Variants in WWTR1 observed in about 807,000 individuals in gnomAD.
WWTR1 encodes WW domain-containing transcription regulator protein 1.
A neutral mutation model predicts 40.1 loss-of-function variants in WWTR1; 13 were observed. The observed-to-expected ratio is 0.32, with a 90% confidence interval of 0.21 to 0.52. The LOEUF is 0.52. Ranked by LOEUF, WWTR1 falls within the 20% of genes least tolerant of loss-of-function variation. The pLI, the probability that WWTR1 is intolerant of heterozygous loss-of-function variation, is 0.97. For missense variants in WWTR1, 436 were observed against 523.1 expected (o/e 0.83, Z 1.63); for synonymous variants, 230 against 210.1 (o/e 1.09, Z -0.82).
intron 3 of WWTR1, among the ~76,000 whole-genome samples, chr3:149,559,666 G>A (rs1737002758): frequency 6.6e-6 from 1 of 152,208 alleles, no homozygotes; most frequent in South Asian, 2.1e-4. Flanking sequence ...GCAGGGACCA[G>A]AGAAACTGTG....
intron 2 of WWTR1, among the ~76,000 whole-genome samples, chr3:149,591,893 G>A (rs527812803): frequency 3.3e-5 from 5 of 152,108 alleles, no homozygotes; most frequent in African/African-American, 1.2e-4. Context: ...ATTGCGGGAG[G>A]GGGTAGGAGA....
chr3:149,611,736 A>G (rs572480205), intron 2 of WWTR1, among the ~76,000 whole-genome samples: 2 of 152,304 alleles, frequency 1.3e-5, no homozygotes, highest in South Asian at 4.1e-4. Context: ...TACCCAGACT[A>G]CATGGTTTAA....
chr3:149,650,239 G>A (rs1301594310), intron 2 of WWTR1: 2 of 152,198 alleles, frequency 1.3e-5, no homozygotes, highest in South Asian at 2.1e-4. Context: ...CCACAGTTAT[G>A]CGATCATCAA....
At chr3:149,640,825 A>T (rs1446035937) in intron 2 of WWTR1, among the ~76,000 whole-genome samples, 1 of 151,994 alleles carries the variant, frequency 6.6e-6, no homozygotes, top group Non-Finnish European at 1.5e-5. Flanking sequence ...CTATCATAAT[A>T]AAAAAAACAA....
At chr3:149,607,683 T>A (rs1739550913) in intron 2 of WWTR1, among the ~76,000 whole-genome samples, 1 of 152,226 alleles carries the variant, frequency 6.6e-6, no homozygotes, top group Non-Finnish European at 1.5e-5. Flanking sequence ...ATTGAAGTAC[T>A]TTCCAAATTA....
At chr3:149,695,638 G>A (rs945344039) in intron 1 of WWTR1, among the ~76,000 whole-genome samples, 1 of 151,314 alleles carries the variant, frequency 6.6e-6, no homozygotes, top group African/African-American at 2.4e-5. Flanking sequence ...GCAGGCGCCT[G>A]TAATCCCAGG....
At chr3:149,699,493 A>G (rs1191461227) in intron 1 of WWTR1, among the ~76,000 whole-genome samples, 1 of 151,972 alleles carries the variant, frequency 6.6e-6, no homozygotes, top group African/African-American at 2.4e-5. Context: ...GGGTTTCTCC[A>G]TGTTGGTCAG....
chr3:149,590,721 A>G (rs538425820), intron 2 of WWTR1, among the ~76,000 whole-genome samples: 1 of 152,348 alleles, frequency 6.6e-6, no homozygotes, highest in South Asian at 2.1e-4. Context: ...GTGGCAGAGC[A>G]GAGTCAAATC....
intron 3 of WWTR1, among the ~76,000 whole-genome samples, chr3:149,571,965 G>A (rs765900510): frequency 6.6e-6 from 1 of 152,114 alleles, no homozygotes; most frequent in Admixed American, 6.5e-5. Flanking sequence ...TATCTCTAGT[G>A]GGGATAATTT....
At chr3:149,575,772 C>T (rs1737850410) in intron 2 of WWTR1, among the ~76,000 whole-genome samples, 1 of 152,166 alleles carries the variant, frequency 6.6e-6, no homozygotes, top group South Asian at 2.1e-4. Context: ...GGAAGCCCAG[C>T]ATCTGAAGTG....
chr3:149,541,481 A>G (rs576770476), intron 4 of WWTR1, among the ~76,000 whole-genome samples: 53 of 152,306 alleles, frequency 3.5e-4, no homozygotes, highest in African/African-American at 1.3e-3. Flanking sequence ...GTTGGAGTCC[A>G]TATACAAACC....
At chr3:149,627,270 T>C (rs993656230) in intron 2 of WWTR1, among the ~76,000 whole-genome samples, 1 of 152,194 alleles carries the variant, frequency 6.6e-6, no homozygotes. Flanking sequence ...CCATGATCTA[T>C]TCCCCTTCTC....
intron 1 of WWTR1, among the ~76,000 whole-genome samples, chr3:149,687,263 C>A (rs1369949705): frequency 6.6e-6 from 1 of 152,206 alleles, no homozygotes; most frequent in Non-Finnish European, 1.5e-5. Context: ...TGCATCATAG[C>A]CTCTAGAACT....
chr3:149,664,078 G>A (rs1233877198), intron 2 of WWTR1, among the ~76,000 whole-genome samples: 3 of 152,234 alleles, frequency 2.0e-5, no homozygotes, highest in East Asian at 3.8e-4. Context: ...TGCTGACTTG[G>A]TCTGAATGAC....
At chr3:149,602,394 G>A (rs2108051520) in intron 2 of WWTR1, among the ~76,000 whole-genome samples, 1 of 152,332 alleles carries the variant, frequency 6.6e-6, no homozygotes, top group East Asian at 1.9e-4. Flanking sequence ...AACCCAAGAT[G>A]GGAAGGCGTT....
At chr3:149,680,606 G>A (rs1370246462) in intron 1 of WWTR1, among the ~76,000 whole-genome samples, 1 of 151,976 alleles carries the variant, frequency 6.6e-6, no homozygotes, top group Non-Finnish European at 1.5e-5. Flanking sequence ...GGCTGAGATG[G>A]GAGGATCACT....
At chr3:149,554,981 A>T (rs1216453510) in intron 3 of WWTR1, among the ~76,000 whole-genome samples, 2 of 152,234 alleles carry the variant, frequency 1.3e-5, no homozygotes, top group African/African-American at 2.4e-5. Flanking sequence ...TGTTATCTTC[A>T]GACAATAGGT....
chr3:149,724,579 A>T (rs1715830713), intron 3 of WWTR1: 1 of 152,128 alleles, frequency 6.6e-6, no homozygotes, highest in Non-Finnish European at 1.5e-5. Context: ...ACCCTAGAAA[A>T]AAAGGTGCAC....
At chr3:149,699,071 CTTGT>C (rs1316662466) in intron 1 of WWTR1, among the ~76,000 whole-genome samples, 1 of 152,218 alleles carries the variant, frequency 6.6e-6, no homozygotes, top group Non-Finnish European at 1.5e-5. Context: ...CTGCAGCCTG[CTTGT>C]GTTTCTCTCC....
Sources: gnomAD v4.1 joint callset for allele counts (sites outside exome capture counted in the v4.1 genomes callset) on GRCh38, gnomAD v4.1.1 for gene constraint, MANE v1.5 for transcripts, NCBI Gene and HGNC (gene_info 2026-07-23, HGNC 2026-07-21) for gene names.